CCDC152: variants seen among roughly 807,000 people sequenced by gnomAD.
The protein encoded by CCDC152 is coiled-coil domain-containing protein 152.
CCDC152 carries 37 observed loss-of-function variants against 38.1 expected under a neutral mutation model. That is an observed-to-expected ratio of 0.97 (90% CI 0.75 to 1.28). The LOEUF is 1.28. CCDC152 is among the 50% of genes most tolerant of loss of function. The pLI is 0.00. For missense variants in CCDC152, 259 were observed against 292.1 expected, an observed-to-expected ratio of 0.89 and a Z score of 0.83; for synonymous variants, 83 against 87.1, an observed-to-expected ratio of 0.95 and a Z score of 0.26.
chr5:42,760,434 C>T (rs750662848), intron 2 of CCDC152, among the ~76,000 whole-genome samples: 32 of 151,808 alleles, frequency 2.1e-4, no homozygotes, highest in Admixed American at 1.2e-3. Flanking sequence ...CCTGTTCTAT[C>T]TCTTCCATTT....
chr5:42,767,319 G>A (rs1361365402), intron 3 of CCDC152, among the ~76,000 whole-genome samples: 6 of 152,078 alleles, frequency 3.9e-5, no homozygotes, highest in Non-Finnish European at 1.5e-5. Flanking sequence ...AATAATATTA[G>A]TATTGAGAAT....
intron 3 of CCDC152, among the ~76,000 whole-genome samples, chr5:42,762,974 G>A (rs1326891697): frequency 1.3e-5 from 2 of 152,196 alleles, no homozygotes; most frequent in African/African-American, 4.8e-5. Context: ...TGTCATCTGA[G>A]AGAGCCTAGA....
Position 42,777,327 on chromosome 5 carries a change from G to A in CCDC152, c.263-2131G>A, listed in dbSNP as rs55893488. 8.3e-3 allele frequency among the ~76,000 whole-genome samples: 1,262 copies of A among 152,228 alleles called. 12 individuals carry two copies. The highest frequency in any genetic ancestry group is 0.029 in the African/African-American group (1,222 of 41,540). ...AAAATACAAAAATTAGCCGGGCATG[G>A]TGGTGTGTGCCTGTAATCCCAGCTA... On this transcript the variant is annotated intron_variant, in intron 4 of 8. Transcript: ENST00000361970.
intron 7 of CCDC152, 58 bp from the exon 8 acceptor site, chr5:42,799,317 G>A: frequency 1.1e-6 from 1 of 879,470 alleles, no homozygotes; most frequent in East Asian, 2.7e-5. Context: ...TATAATTATA[G>A]AAACAATTGT....
At chr5:42,796,253 TA>T (rs879551001) in intron 6 of CCDC152, among the ~76,000 whole-genome samples, 417 of 142,290 alleles carry the variant, frequency 2.9e-3, no homozygotes, top group East Asian at 8.8e-3. Context: ...ATAATAAAAT[TA>T]AAAAAAAAAA....
At chr5:42,775,981 C>G (rs1388847526) in intron 4 of CCDC152, among the ~76,000 whole-genome samples, 1 of 147,706 alleles carries the variant, frequency 6.8e-6, no homozygotes, top group Non-Finnish European at 1.5e-5. Flanking sequence ...AATGGAATCA[C>G]GTGAAATACT....
chr5:42,796,815 T>C lies in CCDC152; in HGVS notation c.431-14T>C. The C allele has an allele frequency of 7.3e-7, 1 of 1,368,646 alleles. No homozygotes were observed. Among genetic ancestry groups the C allele is most frequent in the East Asian group, 2.7e-5 (1 of 36,440 alleles). 84.8% of individuals were successfully genotyped at this position (1,368,646 alleles called of 1,614,324 possible). On this transcript the variant is annotated splice_polypyrimidine_tract_variant and intron_variant, in intron 6 of 8. Transcript: ENST00000361970. ...TTTTTAACAAATGAATTTTATTTATTTCATTTTATTCAGTTGAATTAAATG... is the reference window on the plus strand; with the variant it reads ...TTTTTAACAAATGAATTTTATTTATCTCATTTTATTCAGTTGAATTAAATG...
At chr5:42,797,412 A>G (rs549599269) in intron 7 of CCDC152, among the ~76,000 whole-genome samples, 1 of 152,298 alleles carries the variant, frequency 6.6e-6, no homozygotes, top group East Asian at 1.9e-4. Context: ...TCCCTGTCTC[A>G]GGGTAGATAT....
Position 42,762,487 on chromosome 5 carries a change from G to T in CCDC152, c.132G>T (p.Gln44His). The stretch of plus-strand genomic sequence containing the variant: ...GAAAGAACAATATACTGGATATTCA[G>T]TTGGAAAAAAGTAATTGCCTATTAA... The part of the protein sequence containing the change: ...TNGKNNILDI[Q>H]LEKSNCLLKV... The change falls in exon 3 of 9, where the codon CAG becomes CAT. Residue 44 changes from glutamine (Q) to histidine (H), a missense_variant. Transcript: ENST00000361970. 6.5e-7 allele frequency: 1 copy of T among 1,541,512 alleles called. No homozygotes were observed. Among genetic ancestry groups the T allele is most frequent in the African/African-American group, 1.4e-5 (1 of 72,910 alleles).
chr5:42,778,459 A>G (rs1278910937), intron 4 of CCDC152, among the ~76,000 whole-genome samples: 3 of 152,184 alleles, frequency 2.0e-5, no homozygotes, highest in Admixed American at 6.5e-5. Context: ...AAAACTTTCA[A>G]TCAAATAGGA....
rs1017325581 is a variant in CCDC152, at chr5:42,787,612, T to C, written c.430+4036T>C. On this transcript the variant is annotated intron_variant, in intron 6 of 8. Transcript: ENST00000361970. ...TTAAATCACTTGTTAAGTCTTTTTG[T>C]TGAATTGAAGACTTTATCATTATAT... Among the ~76,000 whole-genome samples, 68 of 152,272 alleles carry C rather than the reference T, an allele frequency of 4.5e-4. 1 individual carries two copies. The highest frequency in any genetic ancestry group is 1.6e-3 in the African/African-American group (67 of 41,572).
intron 6 of CCDC152, among the ~76,000 whole-genome samples, chr5:42,793,513 A>G (rs1481345459): frequency 6.6e-6 from 1 of 152,262 alleles, no homozygotes; most frequent in Non-Finnish European, 1.5e-5. Flanking sequence ...GGAAATAAAT[A>G]TAAATTCATT....
At chr5:42,779,367 C>A in intron 4 of CCDC152, 91 bp from the exon 5 acceptor site, 1 of 737,766 alleles carries the variant, frequency 1.4e-6, no homozygotes, top group Non-Finnish European at 2.4e-6. Flanking sequence ...TTGTTGAATG[C>A]ATACATAATG....
In CCDC152 at chr5:42,799,443, A is replaced by G. The variant is rs1391903118; in HGVS notation, c.627A>G (p.Gln209=). ...KSYQDSTVLP[Q]SIYRRKLQHF... is the part of the protein sequence containing the mutation. The stretch of plus-strand genomic sequence containing the variant: ...ATCAGGATTCTACTGTTTTGCCACA[A>G]AGTATCTACAGAAGGGTATGTGAGT... The change falls in exon 8 of 9, where the codon CAA becomes CAG. Residue 209 remains glutamine (Q), a synonymous_variant. Transcript: ENST00000361970. 6.5e-7 allele frequency: 1 copy of G among 1,540,086 alleles called. No homozygotes were observed. Among genetic ancestry groups the G allele is most frequent in the Non-Finnish European group, 8.8e-7 (1 of 1,138,968 alleles).
At chr5:42,760,580 G>A (rs1759539756) in intron 2 of CCDC152, among the ~76,000 whole-genome samples, 1 of 152,184 alleles carries the variant, frequency 6.6e-6, no homozygotes, top group African/African-American at 2.4e-5. Flanking sequence ...AAAAATGTAG[G>A]TGGTTAAATG....
intron 3 of CCDC152, among the ~76,000 whole-genome samples, chr5:42,769,180 C>T (rs1189164071): frequency 3.3e-5 from 5 of 151,038 alleles, no homozygotes; most frequent in Non-Finnish European, 7.4e-5. Flanking sequence ...GCCTGGGAGG[C>T]GGAGGTTGCG....
chr5:42,801,498 G>T lies in CCDC152; in HGVS notation c.*1717G>T. 1 of 548,522 alleles carries T rather than the reference G, an allele frequency of 1.8e-6. No homozygotes were observed. Among genetic ancestry groups the T allele is most frequent in the Non-Finnish European group, 3.1e-6 (1 of 319,272 alleles). 34.0% of individuals were successfully genotyped at this position (548,522 alleles called of 1,614,324 possible). A position where few individuals can be genotyped will look rare whatever the true frequency, so the allele number is the denominator to read the frequency against. On this transcript the variant is annotated 3_prime_UTR_variant, in exon 9 of 9. Transcript: ENST00000361970. ...AGTCTGATGTTAGTCTCAACACCTA[G>T]ACATTTTATTAAAGGCTTAAAAAGA...
chr5:42,769,490 C>T (rs932696817), intron 3 of CCDC152, 107 bp from the exon 4 acceptor site: 1 of 1,261,200 alleles, frequency 7.9e-7, no homozygotes, highest in Non-Finnish European at 1.0e-6. Context: ...AGGCACACAT[C>T]ACCATGCCTG....
At chr5:42,798,906 G>C (rs751776396) in intron 7 of CCDC152, among the ~76,000 whole-genome samples, 17 of 152,120 alleles carry the variant, frequency 1.1e-4, no homozygotes, top group Non-Finnish European at 1.9e-4. Flanking sequence ...CTACTGTTCA[G>C]CCTCAAAGTT....
Sources: gnomAD v4.1 joint callset for allele counts (sites outside exome capture counted in the v4.1 genomes callset) on GRCh38, gnomAD v4.1.1 for gene constraint, MANE v1.5 for transcripts, NCBI Gene and HGNC (gene_info 2026-07-23, HGNC 2026-07-21) for gene names.